The following COP1 variants were observed in gnomAD, a reference collection of about 807,000 sequenced individuals.
COP1 encodes the protein COP1 E3 ubiquitin ligase.
In COP1, 24 loss-of-function variants were observed where a neutral mutation model predicts 101.3. That is an observed-to-expected ratio of 0.24 (90% CI 0.17 to 0.33). The LOEUF (loss-of-function observed/expected upper bound fraction) is 0.33. Ranked by LOEUF, COP1 falls within the 10% of genes least tolerant of loss-of-function variation. The probability of loss-of-function intolerance (pLI) is 1.00; values close to 1 mark genes in which losing one functional copy is unlikely to be tolerated. For synonymous variants in COP1, 347 were observed against 341.9 expected (o/e 1.01, Z -0.17); for missense variants, 663 against 906.2 (o/e 0.73, Z 3.45).
intron 18 of COP1, among the ~76,000 whole-genome samples, chr1:175,972,241 A>G (rs191146369): frequency 2.5e-4 from 38 of 152,276 alleles, no homozygotes; most frequent in Admixed American, 5.9e-4. Flanking sequence ...AGTAACTAAT[A>G]ATTCTAAAGC....
intron 10 of COP1, among the ~76,000 whole-genome samples, chr1:176,085,556 C>A (rs1679981824): frequency 1.3e-5 from 2 of 152,020 alleles, no homozygotes; most frequent in Admixed American, 1.3e-4. Context: ...ATCTAGCTTG[C>A]CATATAAAGA....
chr1:175,954,390 A>T (rs1650348636), intron 18 of COP1, among the ~76,000 whole-genome samples: 1 of 152,152 alleles, frequency 6.6e-6, no homozygotes, highest in South Asian at 2.1e-4. Flanking sequence ...GTTACACATG[A>T]CGTAAGTACA....
chr1:175,954,356 C>T (rs1650342751), intron 18 of COP1, among the ~76,000 whole-genome samples: 1 of 151,682 alleles, frequency 6.6e-6, no homozygotes, highest in African/African-American at 2.4e-5. Flanking sequence ...TAACTTGCAC[C>T]TTAAGAAGCT....
rs1041964373 is a variant in COP1 at position 176,043,601 on chromosome 1, A to G, written c.1530+109T>C. On this transcript the variant is annotated intron_variant, in intron 13 of 19. Coordinates refer to ENST00000367669, the MANE Select transcript of COP1 (RefSeq NM_022457.7). ...CATAGGTGTTACACAGGTATAAAAA[A>G]TACTAAATAGTGACTTCAAATCTGT... 5 of 731,334 alleles carry G rather than the reference A, an allele frequency of 6.8e-6. No individual in the cohort carries two copies. In the African/African-American group the frequency reaches 8.8e-5, roughly 13 times the overall value. 45.3% of individuals were successfully genotyped at this position (731,334 alleles called of 1,614,324 possible).
chr1:176,071,568 C>T (rs773151818), intron 11 of COP1, among the ~76,000 whole-genome samples: 2 of 151,966 alleles, frequency 1.3e-5, no homozygotes, highest in African/African-American at 2.4e-5. Context: ...GACAAATATA[C>T]GTGAATATAT....
At chr1:175,980,931 C>T (rs141486618) in intron 18 of COP1, among the ~76,000 whole-genome samples, 102 of 152,240 alleles carry the variant, frequency 6.7e-4, no homozygotes, top group African/African-American at 2.4e-3. Flanking sequence ...TTTACACAGG[C>T]ATCATCACAT....
intron 11 of COP1, among the ~76,000 whole-genome samples, chr1:176,067,453 G>A (rs575704067): frequency 8.1e-4 from 123 of 152,242 alleles, no homozygotes; most frequent in African/African-American, 2.9e-3. Context: ...GGAACACATC[G>A]GTACAAGAGC....
At chr1:176,001,673 A>G (rs1023391579) in intron 15 of COP1, among the ~76,000 whole-genome samples, 16 of 152,132 alleles carry the variant, frequency 1.1e-4, no homozygotes, top group African/African-American at 3.9e-4. Flanking sequence ...TTATATACCG[A>G]TATGATTATC....
intron 18 of COP1, among the ~76,000 whole-genome samples, chr1:175,966,481 T>C (rs571889404): frequency 5.5e-4 from 84 of 152,296 alleles, no homozygotes; most frequent in Non-Finnish European, 8.4e-4. Context: ...GTCTTAGACT[T>C]AATAACTTGT....
At chr1:176,142,376 A>G (rs1309889243) in intron 6 of COP1, among the ~76,000 whole-genome samples, 1 of 152,126 alleles carries the variant, frequency 6.6e-6, no homozygotes, top group Non-Finnish European at 1.5e-5. Context: ...TATAATATTT[A>G]TATTAAATAA....
chr1:176,059,401 TTCCTTTTATTTC>T (rs1445594275), intron 11 of COP1, among the ~76,000 whole-genome samples: 1 of 152,218 alleles, frequency 6.6e-6, no homozygotes, highest in Non-Finnish European at 1.5e-5. Flanking sequence ...TCATCTTATT[TTCCTTTTATTTC>T]TCCTTTATAT....
At chr1:176,040,503 A>T (rs61820965) in intron 14 of COP1, among the ~76,000 whole-genome samples, 59 of 152,084 alleles carry the variant, frequency 3.9e-4, no homozygotes, top group African/African-American at 1.3e-3. Context: ...TTTTTTGTAG[A>T]GACAGGGTCT....
chr1:175,998,629 T>C (rs1430109487), intron 15 of COP1, among the ~76,000 whole-genome samples: 2 of 152,060 alleles, frequency 1.3e-5, no homozygotes, highest in Admixed American at 6.6e-5. Context: ...AAATCTTTCA[T>C]CTAGTACCAG....
At chr1:175,997,528 C>G (rs868366281) in intron 15 of COP1, among the ~76,000 whole-genome samples, 21 of 152,006 alleles carry the variant, frequency 1.4e-4, no homozygotes, top group African/African-American at 4.3e-4. Context: ...CCAGAATCTA[C>G]AATGAACTCA....
At chr1:176,054,210 G>A (rs929197510) in intron 11 of COP1, among the ~76,000 whole-genome samples, 7 of 150,460 alleles carry the variant, frequency 4.7e-5, no homozygotes, top group African/African-American at 1.7e-4. Context: ...CCCAGGCTGG[G>A]GTGCAGTGGG....
intron 12 of COP1, 135 bp from the exon 13 acceptor site, chr1:176,043,953 C>A: frequency 5.0e-6 from 3 of 598,326 alleles, no homozygotes; most frequent in Non-Finnish European, 6.0e-6. Context: ...ATTCTGCCCA[C>A]AACATACCTG....
intron 9 of COP1, among the ~76,000 whole-genome samples, chr1:176,107,181 T>C (rs952434585): frequency 1.3e-5 from 2 of 152,142 alleles, no homozygotes; most frequent in Non-Finnish European, 2.9e-5. Flanking sequence ...TGCATATATA[T>C]TATGGATATA....
At position 176,205,104 on chromosome 1, in the gene COP1, A is replaced by G. The variant is rs540333115; in HGVS notation, c.407+1468T>C. ...TTTTACTTTATTTTAGTGTACTTAC[A>G]CGGAGGCTAACATGTTTGTGTTCGT... is the stretch of plus-strand genomic sequence containing the variant. On this transcript the variant is annotated intron_variant, in intron 1 of 19. Transcript: ENST00000367669. Among the ~76,000 whole-genome samples, 255 of 152,298 alleles carry G rather than the reference A, an allele frequency of 1.7e-3. 1 individual carries two copies. The highest frequency in any genetic ancestry group is 5.9e-3 in the African/African-American group (244 of 41,558).
intron 1 of COP1, among the ~76,000 whole-genome samples, chr1:176,197,517 G>A (rs1699825089): frequency 1.3e-5 from 2 of 152,212 alleles, no homozygotes; most frequent in Admixed American, 6.5e-5. Flanking sequence ...AATTTCTGTT[G>A]TTTAAGCCAC....
Sources: gnomAD v4.1 joint callset for allele counts (sites outside exome capture counted in the v4.1 genomes callset) on GRCh38, gnomAD v4.1.1 for gene constraint, MANE v1.5 for transcripts, NCBI Gene and HGNC (gene_info 2026-07-23, HGNC 2026-07-21) for gene names.